Variants in SLC43A2 observed in about 807,000 individuals in gnomAD.
The protein encoded by SLC43A2 is large neutral amino acids transporter small subunit 4.
A neutral mutation model predicts 63.2 loss-of-function variants in SLC43A2; 38 were observed. The observed-to-expected ratio is 0.60, with a 90% CI of 0.46 to 0.79. The LOEUF is 0.79. Ranked by LOEUF, SLC43A2 falls within the 30% of genes least tolerant of loss-of-function variation. SLC43A2 has a pLI of 0.00. For missense variants in SLC43A2, 644 were observed against 756.2 expected (o/e 0.85, Z 1.74); for synonymous variants, 322 against 331.0 (o/e 0.97, Z 0.30).
rs1598454248 is a variant in SLC43A2 at position 1,593,070 on chromosome 17, G to T, written c.594+117C>A. Reference sequence around the variant, plus strand: ...ATGCCCAGGTGCATCCTGCCCGGGTGGGGGTGGTGGAGAGGGGCCACCCCG... The same window carrying T: ...ATGCCCAGGTGCATCCTGCCCGGGTTGGGGTGGTGGAGAGGGGCCACCCCG... On this transcript the variant is annotated intron_variant, in intron 6 of 13. Coordinates refer to ENST00000301335, the MANE Select transcript of SLC43A2 (RefSeq NM_152346.3). This position sits in a 1 kb window ranked among gnomAD's most constrained non-coding sequence, Gnocchi z 5.3. The T allele has an allele frequency of 1.1e-6, 1 of 890,300 alleles. No individual in the cohort carries two copies. Among genetic ancestry groups the T allele is most frequent in the Non-Finnish European group, 1.8e-6 (1 of 556,986 alleles). 55.2% of individuals were successfully genotyped at this position (890,300 alleles called of 1,614,324 possible). A position where few individuals can be genotyped will look rare whatever the true frequency, so the allele number is the denominator to read the frequency against.
chr17:1,575,833 A>G (rs370235805), intron 13 of SLC43A2, 68 bp from the exon 14 acceptor site: 7 of 1,506,950 alleles, frequency 4.6e-6, no homozygotes, highest in East Asian at 2.4e-5. Flanking sequence ...CCCGCCCTCC[A>G]CTCGGGTTTG....
chr17:1,578,684 T>C lies in SLC43A2; in HGVS notation c.1351-361A>G, dbSNP rs536234868. The C allele has an allele frequency of 1.1e-4, 24 of 209,262 alleles. No homozygotes were observed. The highest frequency in any genetic ancestry group is 3.7e-4 in the African/African-American group (16 of 43,588). The allele number at this position is 209,262 out of a possible 1,614,324, so 13.0% of individuals were successfully genotyped here. A position where few individuals can be genotyped will look rare whatever the true frequency, so the allele number is the denominator to read the frequency against. On this transcript the variant is annotated intron_variant, in intron 11 of 13. Transcript: ENST00000301335. The surrounding 1 kb of genome is among the most constrained non-coding windows in gnomAD (Gnocchi z 6.5). ...CTAGGATTACAGGCCCACGCCACCA[T>C]GCCCGGCTAATTTTTGTATTTTTTA... is the stretch of plus-strand genomic sequence containing the variant.
chr17:1,570,696 C>A lies in SLC43A2; in HGVS notation c.*4908G>T, dbSNP rs551797665. ...AGAGACGGGGTTTCACCGTTTTAGC[C>A]GGGATGGTCTTGATCTCCTGACCTC... On this transcript the variant is annotated 3_prime_UTR_variant, in exon 14 of 14. Transcript: ENST00000301335. 3 of 151,278 alleles carry A rather than the reference C, an allele frequency of 2.0e-5. No individual in the cohort carries two copies. The highest frequency in any genetic ancestry group is 7.3e-5 in the African/African-American group (3 of 41,072). The allele number at this position is 151,278 out of a possible 1,614,324, so 9.4% of individuals were successfully genotyped here.
intron 4 of SLC43A2, among the ~76,000 whole-genome samples, chr17:1,614,458 C>A (rs1598485949): frequency 1.9e-5 from 1 of 52,596 alleles, no homozygotes; most frequent in Non-Finnish European, 4.6e-5. Context: ...CAAACAGCAG[C>A]GAGCAGGAGG....
intron 5 of SLC43A2, chr17:1,605,000 G>A: frequency 6.9e-7 from 1 of 1,440,176 alleles, no homozygotes; most frequent in Non-Finnish European, 9.1e-7. Flanking sequence ...CTGGCGGAGG[G>A]GAAGGACCCC....
At chr17:1,586,928 T>TGGGCCCCCCCCCCCCCCCCACACC in intron 9 of SLC43A2, 1 of 1,232,916 alleles carries the variant, frequency 8.1e-7, no homozygotes, top group Non-Finnish European at 1.1e-6. Flanking sequence ...TCCCTGACAA[T>TGGGCCCCCCCCCCCCCCCCACACC]CCCCCCCACC....
Position 1,594,754 on chromosome 17 carries a change from A to AT in SLC43A2, c.502-1476dup, listed in dbSNP as rs764196344. Among the ~76,000 whole-genome samples the AT allele has an allele frequency of 1.1e-4, 17 of 151,312 alleles. No individual in the cohort carries two copies. The East Asian group carries it at 2.8e-3, about 25-fold the overall frequency. ...AGGCGCCCGCCACCACACCCGGCTA[A>AT]TTTTTTTGTATTTTCAGTAGAGACG... is the stretch of plus-strand genomic sequence containing the variant. On this transcript the variant is annotated intron_variant, in intron 5 of 13. Transcript: ENST00000301335.
At chr17:1,576,073 C>CTTTTT (rs56013428) in intron 13 of SLC43A2, among the ~76,000 whole-genome samples, 2 of 81,526 alleles carry the variant, frequency 2.5e-5, no homozygotes, top group Non-Finnish European at 4.8e-5. Context: ...GAACTGTGTT[C>CTTTTT]TTTTTTTTTT....
intron 2 of SLC43A2, among the ~76,000 whole-genome samples, chr17:1,624,650 G>C (rs755395048): frequency 3.0e-4 from 46 of 152,172 alleles, no homozygotes; most frequent in Non-Finnish European, 6.2e-4. Context: ...CAGCACTTTG[G>C]AAGGCTGAGG....
chr17:1,586,928 T>TTCCCCCCCCC, intron 9 of SLC43A2: 3 of 1,232,910 alleles, frequency 2.4e-6, no homozygotes, highest in Middle Eastern at 3.8e-4. Context: ...TCCCTGACAA[T>TTCCCCCCCCC]CCCCCCCACC....
At chr17:1,582,445 C>T (rs1055835027) in intron 11 of SLC43A2, among the ~76,000 whole-genome samples, 3 of 152,170 alleles carry the variant, frequency 2.0e-5, no homozygotes, top group African/African-American at 7.2e-5. Flanking sequence ...AGTGTAGAAA[C>T]CCCGTGAGAC....
chr17:1,583,588 T>G lies in SLC43A2; in HGVS notation c.1218-252A>C. ...GAAGATGGCCATCCATATGCTGCAGTGCTCTGTGAAGGCTGAGCTAAGACG... is the reference window on the plus strand; with the variant it reads ...GAAGATGGCCATCCATATGCTGCAGGGCTCTGTGAAGGCTGAGCTAAGACG... On this transcript the variant is annotated intron_variant, in intron 10 of 13. Coordinates refer to ENST00000301335, the MANE Select transcript of SLC43A2 (RefSeq NM_152346.3). The surrounding 1 kb of genome is among the most constrained non-coding windows in gnomAD (Gnocchi z 5.5). The G allele has an allele frequency of 2.1e-6, 1 of 482,844 alleles. No homozygotes were observed. The highest frequency in any genetic ancestry group is 3.7e-6 in the Non-Finnish European group (1 of 272,752). The allele number at this position is 482,844 out of a possible 1,614,324, so 29.9% of individuals were successfully genotyped here.
At chr17:1,597,243 G>A (rs144670578) in intron 5 of SLC43A2, among the ~76,000 whole-genome samples, 1,965 of 151,864 alleles carry the variant, frequency 0.013, 40 homozygotes, top group African/African-American at 0.044. Flanking sequence ...GGTGGCTCAC[G>A]CCTGTAATCC....
At chr17:1,610,004 G>T (rs1452613535) in intron 5 of SLC43A2, among the ~76,000 whole-genome samples, 1 of 151,860 alleles carries the variant, frequency 6.6e-6, no homozygotes, top group African/African-American at 2.4e-5. Flanking sequence ...CCGCCACCCA[G>T]GTTCAAGCGA....
At position 1,613,257 on chromosome 17, in the gene SLC43A2, T is replaced by C; in HGVS notation, c.439A>G (p.Ile147Val). 1 of 1,614,134 alleles carries C rather than the reference T, an allele frequency of 6.2e-7. No individual in the cohort carries two copies. The highest frequency in any genetic ancestry group is 8.5e-7 in the Non-Finnish European group (1 of 1,180,026). The change falls in exon 5 of 14, where the codon ATC (isoleucine) becomes GTC (valine). Residue 147 changes from isoleucine (I) to valine (V), a missense_variant. Ile to Val is a conservative substitution (Grantham distance 29). Transcript: ENST00000301335. ...ASKPNALSVL[I>V]FIALALNGFG... ...CCATTCAGAGCCAGGGCGATGAAGA[T>C]GAGCACGGAGAGAGCTGCAGGGACA...
chr17:1,591,729 G>GC (rs1466406301), intron 6 of SLC43A2, 30 bp from the exon 7 acceptor site: 12 of 854,688 alleles, frequency 1.4e-5, no homozygotes, highest in Admixed American at 4.7e-5. Flanking sequence ...CGGGGTGGGG[G>GC]GGGGAGGGGG....
chr17:1,617,478 C>A (rs565555643), intron 2 of SLC43A2, among the ~76,000 whole-genome samples: 1 of 152,110 alleles, frequency 6.6e-6, no homozygotes, highest in South Asian at 2.1e-4. Flanking sequence ...GCAACCTCCG[C>A]CTCCCGGGTT....
chr17:1,597,593 A>G (rs1232915175), intron 5 of SLC43A2, among the ~76,000 whole-genome samples: 2 of 151,878 alleles, frequency 1.3e-5, no homozygotes, highest in African/African-American at 4.8e-5. Context: ...TGAGGTCAGG[A>G]GTTCGAGACC....
At chr17:1,586,929 C>A in intron 9 of SLC43A2, 10 of 657,330 alleles carry the variant, frequency 1.5e-5, no homozygotes, top group Admixed American at 2.7e-5. Flanking sequence ...CCCTGACAAT[C>A]CCCCCCACCC....
Sources: allele counts gnomAD v4.1 joint callset (sites outside exome capture counted in the v4.1 genomes callset), GRCh38; gene constraint gnomAD v4.1.1; non-coding constraint Gnocchi (gnomAD v3.1); transcripts MANE v1.5; gene names NCBI Gene and HGNC (gene_info 2026-07-23, HGNC 2026-07-21).